The following LRP2 variants were observed in gnomAD, a reference collection of about 807,000 sequenced individuals.
LRP2 encodes low-density lipoprotein receptor-related protein 2.
A neutral mutation model predicts 531.0 loss-of-function variants in LRP2; 172 were observed. The ratio of observed to expected loss-of-function variants is 0.32; its 90% confidence interval spans 0.29 to 0.37. The LOEUF is 0.37. Ranked by LOEUF, LRP2 falls within the 10% of genes least tolerant of loss-of-function variation. The probability of loss-of-function intolerance (pLI) is 1.00; values close to 1 mark genes in which losing one functional copy is unlikely to be tolerated. For synonymous variants in LRP2, 1,992 were observed against 2,027.6 expected (o/e 0.98, Z 0.47); for missense variants, 5,167 against 5,868.3 (o/e 0.88, Z 3.90).
chr2:169,319,159 T>C (rs554062557), intron 2 of LRP2, among the ~76,000 whole-genome samples: 4 of 152,320 alleles, frequency 2.6e-5, no homozygotes, highest in African/African-American at 9.6e-5. Context: ...AAAATTATGA[T>C]AAAGGTATTA....
chr2:169,238,022 G>T, intron 27 of LRP2, 69 bp downstream of exon 27: 1 of 1,352,568 alleles, frequency 7.4e-7, no homozygotes, highest in Non-Finnish European at 1.1e-6. Flanking sequence ...TCTCTCACTG[G>T]TGAATAACAG....
intron 1 of LRP2, among the ~76,000 whole-genome samples, chr2:169,352,355 A>G (rs1685873119): frequency 6.6e-6 from 1 of 152,234 alleles, no homozygotes; most frequent in Non-Finnish European, 1.5e-5. Flanking sequence ...TGTCACCCTC[A>G]GACTTAAAAG....
chr2:169,174,109 T>G lies in LRP2; in HGVS notation c.10824A>C (p.Pro3608=). ...TAAATGTGTCACACTGCCAGGATTC[T>G]GGGATGCAACGTTTGTTGGCGCACT... The part of the protein sequence containing the change: ...EWQCANKRCI[P]ESWQCDTFND... The change falls in exon 56 of 79, where the codon CCA becomes CCC. Residue 3608 remains proline, a synonymous_variant. Coordinates refer to ENST00000649046, the MANE Select transcript of LRP2 (RefSeq NM_004525.3). The G allele has an allele frequency of 6.2e-7, 1 of 1,614,238 alleles. No individual in the cohort carries two copies. Among genetic ancestry groups the G allele is most frequent in the Non-Finnish European group, 8.5e-7 (1 of 1,180,036 alleles).
At chr2:169,272,880 C>T (rs1210104938) in intron 15 of LRP2, 47 bp downstream of exon 15, 2 of 1,610,972 alleles carry the variant, frequency 1.2e-6, no homozygotes, top group African/African-American at 2.7e-5. Context: ...TTTGGACACA[C>T]ATACACCTGT....
chr2:169,297,560 CTTG>C (rs1684165544), intron 4 of LRP2, among the ~76,000 whole-genome samples: 5 of 152,166 alleles, frequency 3.3e-5, no homozygotes, highest in African/African-American at 1.2e-4. Flanking sequence ...CATACCACTC[CTTG>C]CTTCCCCTTT....
chr2:169,325,708 C>T lies in LRP2; in HGVS notation c.80-4824G>A, dbSNP rs553467386. Among the ~76,000 whole-genome samples, 19 of 152,272 alleles carry T rather than the reference C, an allele frequency of 1.2e-4. No individual in the cohort carries two copies. In the South Asian group the frequency reaches 3.9e-3, roughly 32 times the overall value. ...TAATGAAACTGAAACAAGACAGGAA[C>T]AGCAAACCAACCTGCTAGTCTCTTT... On this transcript the variant is annotated intron_variant, in intron 1 of 78. Coordinates refer to ENST00000649046, the MANE Select transcript of LRP2 (RefSeq NM_004525.3).
chr2:169,211,890 GA>G, intron 37 of LRP2, 77 bp downstream of exon 37: 2 of 1,573,336 alleles, frequency 1.3e-6, no homozygotes, highest in South Asian at 1.1e-5. Context: ...CACACATGAA[GA>G]AATGTTTTCA....
chr2:169,296,459 C>A (rs1320134664), intron 4 of LRP2, among the ~76,000 whole-genome samples: 1 of 151,976 alleles, frequency 6.6e-6, no homozygotes, highest in Non-Finnish European at 1.5e-5. Context: ...TTTATTAATT[C>A]TCCCTTCAAG....
intron 1 of LRP2, among the ~76,000 whole-genome samples, chr2:169,327,133 TG>T (rs1321092114): frequency 4.9e-5 from 5 of 102,952 alleles, no homozygotes; most frequent in Admixed American, 9.7e-5. Flanking sequence ...GGGAGGGAGG[TG>T]GGGGGGTCAG....
intron 61 of LRP2, among the ~76,000 whole-genome samples, chr2:169,168,196 G>C (rs1034525601): frequency 2.6e-5 from 4 of 151,454 alleles, no homozygotes; most frequent in African/African-American, 7.3e-5. Context: ...ACCCAAAGTA[G>C]GATACAGCAG....
At chr2:169,198,481 G>A (rs759363857) in intron 45 of LRP2, among the ~76,000 whole-genome samples, 5 of 152,112 alleles carry the variant, frequency 3.3e-5, no homozygotes, top group Admixed American at 6.5e-5. Flanking sequence ...AGGGCTTAAC[G>A]GGCAAATTCT....
chr2:169,311,996 T>C (rs972721143), intron 3 of LRP2, among the ~76,000 whole-genome samples: 41 of 152,342 alleles, frequency 2.7e-4, no homozygotes, highest in Non-Finnish European at 1.6e-4. Flanking sequence ...GTTTAAAGTC[T>C]GTTTTATCAG....
chr2:169,289,907 C>G (rs1683956319), intron 8 of LRP2, among the ~76,000 whole-genome samples: 1 of 152,096 alleles, frequency 6.6e-6, no homozygotes, highest in Middle Eastern at 3.2e-3. Context: ...CCATAGAGGT[C>G]TCTGCCTGTT....
chr2:169,248,039 G>C (rs1030724046), intron 19 of LRP2, among the ~76,000 whole-genome samples: 1 of 152,128 alleles, frequency 6.6e-6, no homozygotes, highest in Non-Finnish European at 1.5e-5. Context: ...TGTTGAGAAG[G>C]AAAAGTACAG....
At chr2:169,326,178 C>T (rs1201919956) in intron 1 of LRP2, among the ~76,000 whole-genome samples, 2 of 30,896 alleles carry the variant, frequency 6.5e-5, no homozygotes, top group East Asian at 1.6e-3. Context: ...CCCTCCCCCT[C>T]TCCCCTCTCC....
chr2:169,225,254 G>C lies in LRP2; in HGVS notation c.5538+56C>G, dbSNP rs1476545980. 6.4e-6 allele frequency: 10 copies of C among 1,560,988 alleles called. No homozygotes were observed. The East Asian group carries it at 2.0e-4, about 32-fold the overall frequency. On this transcript the variant is annotated intron_variant, in intron 33 of 78. Coordinates refer to ENST00000649046, the MANE Select transcript of LRP2 (RefSeq NM_004525.3). ...CACGTGAGATCTATTCCTGAGACTA[G>C]AGTTTACATCAATCTAAATCCAATG...
At position 169,142,655 on chromosome 2, in the gene LRP2, G is replaced by GTT. The variant is rs1685765827; in HGVS notation, c.13108+18_13108+19insAA. ...GGAGTGCTCCCAGGCCCCCATAGCTGCTTGGGCAGTGCTCCTACCTGCATC... is the reference window on the plus strand; with the variant it reads ...GGAGTGCTCCCAGGCCCCCATAGCTGTTCTTGGGCAGTGCTCCTACCTGCATC... On this transcript the variant is annotated intron_variant, in intron 71 of 78. Coordinates refer to ENST00000649046, the MANE Select transcript of LRP2 (RefSeq NM_004525.3). 1 of 1,613,178 alleles carries GTT rather than the reference G, an allele frequency of 6.2e-7. No individual in the cohort carries two copies. The highest frequency in any genetic ancestry group is 1.3e-5 in the African/African-American group (1 of 75,014).
chr2:169,338,208 A>G (rs1316385334), intron 1 of LRP2, among the ~76,000 whole-genome samples: 1 of 150,608 alleles, frequency 6.6e-6, no homozygotes, highest in Non-Finnish European at 1.5e-5. Flanking sequence ...AAAGAAAGAA[A>G]AGAAAGGAAG....
intron 61 of LRP2, 152 bp downstream of exon 61, chr2:169,168,387 T>C (rs76525829): frequency 0.025 from 22,910 of 900,928 alleles, 374 homozygotes; most frequent in Non-Finnish European, 0.031. Context: ...GAACTGAAGC[T>C]GGAAGACCCA....
Sources: allele counts gnomAD v4.1 joint callset (sites outside exome capture counted in the v4.1 genomes callset), GRCh38; gene constraint gnomAD v4.1.1; transcripts MANE v1.5; gene names NCBI Gene and HGNC (gene_info 2026-07-23, HGNC 2026-07-21).